RND3: variants seen among roughly 807,000 people sequenced by gnomAD.
The protein encoded by RND3 is Rho family GTPase 3, also known as rho-related GTP-binding protein RhoE.
RND3 carries 8 observed loss-of-function variants against 26.5 expected under a neutral mutation model. The observed-to-expected ratio is 0.30, with a 90% CI of 0.18 to 0.54. The LOEUF (loss-of-function observed/expected upper bound fraction) is 0.54. Ranked by LOEUF, RND3 falls within the 20% of genes least tolerant of loss-of-function variation. The pLI, the probability that RND3 is intolerant of heterozygous loss-of-function variation, is 0.94. For missense variants in RND3, 207 were observed against 302.8 expected (o/e 0.68, Z 2.35); for synonymous variants, 113 against 113.0 (o/e 1.00, Z 0.00).
chr2:150,472,674 C>T (rs750741739), intron 4 of RND3, among the ~76,000 whole-genome samples: 5 of 152,086 alleles, frequency 3.3e-5, no homozygotes, highest in African/African-American at 7.2e-5. Context: ...GGGGAAGTGG[C>T]GCCTGACTCT....
rs1229770069 is a variant in RND3 at position 150,478,579 on chromosome 2, C to CAAA, written c.239-3598_239-3596dup. Among the ~76,000 whole-genome samples, 1,412 of 106,342 alleles carry CAAA rather than the reference C, an allele frequency of 0.013. 46 individuals are homozygous for CAAA. The East Asian group carries it at 0.15, about 11-fold the overall frequency. 69.8% of individuals were successfully genotyped at this position (106,342 alleles called of 152,430 possible). ...TACAACACCCTGTGAAGCCAAACGG[C>CAAA]AAAAAAAAAAAAAAAAAATTAACTT... On this transcript the variant is annotated intron_variant, in intron 3 of 5. Transcript: ENST00000263895.
intron 3 of RND3, among the ~76,000 whole-genome samples, chr2:150,483,625 AT>A (rs766358659): frequency 3.3e-5 from 5 of 152,262 alleles, no homozygotes; most frequent in Non-Finnish European, 5.9e-5. Flanking sequence ...TTACCAAAAA[AT>A]AGTCCTGTCC....
intron 3 of RND3, among the ~76,000 whole-genome samples, chr2:150,478,077 G>A (rs1030383394): frequency 2.6e-5 from 4 of 151,824 alleles, no homozygotes; most frequent in African/African-American, 9.7e-5. Context: ...TCTTGTCTTA[G>A]ATAGAAATAT....
At chr2:150,483,967 T>C in intron 3 of RND3, among the ~76,000 whole-genome samples, 1 of 152,258 alleles carries the variant, frequency 6.6e-6, no homozygotes, top group Non-Finnish European at 1.5e-5. Flanking sequence ...CTTTATATTT[T>C]AGTTAAACAT....
At chr2:150,473,929 C>T (rs1686123743) in intron 4 of RND3, among the ~76,000 whole-genome samples, 1 of 152,242 alleles carries the variant, frequency 6.6e-6, no homozygotes, top group Admixed American at 6.5e-5. Context: ...TCAGTTGACA[C>T]TGCCTTGCTC....
chr2:150,478,903 T>C (rs554177594), intron 3 of RND3, among the ~76,000 whole-genome samples: 4 of 152,322 alleles, frequency 2.6e-5, no homozygotes, highest in South Asian at 4.1e-4. Flanking sequence ...TCTGGTACTA[T>C]ATGAAACTTT....
At position 150,468,456 on chromosome 2, in the gene RND3, G is replaced by GTATT. The variant is rs1218160069; in HGVS notation, c.*1527_*1530dup. ...AGCATATTATGTTGGTAAAATGTCT[G>GTATT]TATTTTATGGGAAATGACTGGAATC... On this transcript the variant is annotated 3_prime_UTR_variant, in exon 6 of 6. Coordinates refer to ENST00000263895, the MANE Select transcript of RND3 (RefSeq NM_005168.5). 1 of 152,564 alleles carries GTATT rather than the reference G, an allele frequency of 6.6e-6. No individual in the cohort carries two copies. Among genetic ancestry groups the GTATT allele is most frequent in the Non-Finnish European group, 1.5e-5 (1 of 68,024 alleles). The allele number at this position is 152,564 out of a possible 1,614,324, so 9.5% of individuals were successfully genotyped here. A position where few individuals can be genotyped will look rare whatever the true frequency, so the allele number is the denominator to read the frequency against.
Position 150,486,625 on chromosome 2 carries a change from G to T in RND3, c.238+69C>A. 20 of 1,156,132 alleles carry T rather than the reference G, an allele frequency of 1.7e-5. No individual in the cohort carries two copies. The South Asian group carries it at 2.2e-4, about 13-fold the overall frequency. The allele number at this position is 1,156,132 out of a possible 1,614,324, so 71.6% of individuals were successfully genotyped here. On this transcript the variant is annotated intron_variant, in intron 3 of 5. Transcript: ENST00000263895. This position sits in a 1 kb window ranked among gnomAD's most constrained non-coding sequence, Gnocchi z 4.5. ...GACGGCTTGTAGCGCGCGGTTTCCC[G>T]AGACCCGCCGCGCATCCCCCAGCGA...
intron 4 of RND3, 35 bp downstream of exon 4, chr2:150,474,840 A>T: frequency 8.5e-7 from 1 of 1,171,666 alleles, no homozygotes; most frequent in South Asian, 1.2e-5. Context: ...TACATCACCC[A>T]GTACTGAAGT....
At chr2:150,475,027 C>T in intron 3 of RND3, 43 bp from the exon 4 acceptor site, 1 of 1,243,930 alleles carries the variant, frequency 8.0e-7, no homozygotes. Flanking sequence ...ATGAGAGTCC[C>T]CTTGTCTGTC....
At chr2:150,474,274 C>T (rs934255623) in intron 4 of RND3, among the ~76,000 whole-genome samples, 2 of 152,142 alleles carry the variant, frequency 1.3e-5, no homozygotes, top group African/African-American at 4.8e-5. Flanking sequence ...CTTACCTTTG[C>T]CTCCATAAAC....
At chr2:150,475,545 G>T (rs778834529) in intron 3 of RND3, among the ~76,000 whole-genome samples, 5 of 152,180 alleles carry the variant, frequency 3.3e-5, no homozygotes, top group Non-Finnish European at 7.4e-5. Flanking sequence ...TCTTGGGAAA[G>T]AGACCAAAAC....
intron 3 of RND3, among the ~76,000 whole-genome samples, chr2:150,483,199 C>T (rs560015803): frequency 6.6e-6 from 1 of 152,298 alleles, no homozygotes; most frequent in East Asian, 1.9e-4. Flanking sequence ...TATGCATGAT[C>T]ATGACTGCTG....
Position 150,469,643 on chromosome 2 carries a change from C to CAACA in RND3, c.*343_*344insTGTT, listed in dbSNP as rs1686047678. The CAACA allele has an allele frequency of 2.2e-5, 4 of 181,114 alleles. No homozygotes were observed. Among genetic ancestry groups the CAACA allele is most frequent in the South Asian group, 2.6e-4 (2 of 7,642 alleles). The allele number at this position is 181,114 out of a possible 1,614,324, so 11.2% of individuals were successfully genotyped here. ...GTGGAGATCCATGAATAGATTATAA[C>CAACA]AAAAAAAAAAAACCCAAAAATGCAA... On this transcript the variant is annotated 3_prime_UTR_variant, in exon 6 of 6. Coordinates refer to ENST00000263895, the MANE Select transcript of RND3 (RefSeq NM_005168.5).
In RND3 at chr2:150,487,474, A is replaced by AAAAAAATATATATAT; in HGVS notation, c.-38-20_-38-19insATATATATATTTTTT. 1,084 of 200,640 alleles carry AAAAAAATATATATAT rather than the reference A, an allele frequency of 5.4e-3. 7 individuals carry two copies. Among genetic ancestry groups the AAAAAAATATATATAT allele is most frequent in the Non-Finnish European group, 7.0e-3 (805 of 114,554 alleles). 12.4% of individuals were successfully genotyped at this position (200,640 alleles called of 1,614,324 possible). On this transcript the variant is annotated intron_variant, in intron 1 of 5. Coordinates refer to ENST00000263895, the MANE Select transcript of RND3 (RefSeq NM_005168.5). ...ATTTTCTCTTAAGAAGAAAAAAAAA[A>AAAAAAATATATATAT]ATATATATATATATATATATTTCTC...
chr2:150,473,740 A>G (rs898595676), intron 4 of RND3, among the ~76,000 whole-genome samples: 2 of 152,248 alleles, frequency 1.3e-5, no homozygotes, highest in African/African-American at 4.8e-5. Context: ...TGATTTCACA[A>G]TGACACACAA....
intron 3 of RND3, among the ~76,000 whole-genome samples, chr2:150,483,115 T>C (rs1304769718): frequency 1.3e-5 from 2 of 152,200 alleles, no homozygotes; most frequent in Non-Finnish European, 1.5e-5. Flanking sequence ...TTTTTTTTTC[T>C]TGGTGCAAAG....
chr2:150,484,325 C>G (rs1414010144), intron 3 of RND3, among the ~76,000 whole-genome samples: 1 of 152,216 alleles, frequency 6.6e-6, no homozygotes, highest in Non-Finnish European at 1.5e-5. Context: ...TACAAACTGC[C>G]CACATTTTGG....
At chr2:150,473,509 T>G (rs1259299496) in intron 4 of RND3, among the ~76,000 whole-genome samples, 2 of 152,206 alleles carry the variant, frequency 1.3e-5, no homozygotes, top group African/African-American at 4.8e-5. Flanking sequence ...TCTGCATGTC[T>G]AGCAATTGTT....
Sources: gnomAD v4.1 joint callset for allele counts (sites outside exome capture counted in the v4.1 genomes callset) on GRCh38, gnomAD v4.1.1 for gene constraint, Gnocchi (gnomAD v3.1) non-coding constraint, MANE v1.5 for transcripts, NCBI Gene and HGNC (gene_info 2026-07-23, HGNC 2026-07-21) for gene names.